Variants in LRRC7 observed in about 807,000 individuals in gnomAD.
LRRC7 encodes the protein leucine rich repeat containing 7, also known as leucine-rich repeat-containing protein 7.
In LRRC7, 23 loss-of-function variants were observed where a neutral mutation model predicts 175.7. The ratio of observed to expected loss-of-function variants is 0.13; its 90% CI spans 0.09 to 0.19. The LOEUF (loss-of-function observed/expected upper bound fraction) is 0.19, where lower values mean the gene tolerates loss of function less well. Among genes scored for constraint, LRRC7 ranks in the 10% least tolerant of loss-of-function variants. The probability of loss-of-function intolerance (pLI) is 1.00; values close to 1 mark genes in which losing one functional copy is unlikely to be tolerated. For synonymous variants in LRRC7, 685 were observed against 680.9 expected (o/e 1.01, Z -0.09); for missense variants, 1,354 against 1,904.7 (o/e 0.71, Z 5.38).
intron 11 of LRRC7, among the ~76,000 whole-genome samples, chr1:69,997,527 G>A (rs1185652076): frequency 1.3e-5 from 2 of 152,064 alleles, no homozygotes; most frequent in Non-Finnish European, 2.9e-5. Flanking sequence ...GTATGATATT[G>A]GCTGTGGATT....
intron 17 of LRRC7, among the ~76,000 whole-genome samples, chr1:70,027,853 A>G (rs1658287302): frequency 1.3e-5 from 2 of 152,206 alleles, no homozygotes; most frequent in Non-Finnish European, 2.9e-5. Flanking sequence ...AACAGCTGCT[A>G]TAACTTGATT....
intron 23 of LRRC7, among the ~76,000 whole-genome samples, chr1:70,065,449 G>A (rs1661897601): frequency 6.6e-6 from 1 of 151,894 alleles, no homozygotes; most frequent in Non-Finnish European, 1.5e-5. Flanking sequence ...TTATGTAAGT[G>A]TTTAATTAAT....
chr1:69,938,977 AG>A (rs1382917175), intron 8 of LRRC7, among the ~76,000 whole-genome samples: 2 of 142,690 alleles, frequency 1.4e-5, no homozygotes, highest in Non-Finnish European at 3.0e-5. Context: ...GCATTTGTAA[AG>A]CCACTAAGGC....
chr1:70,025,264 T>C (rs1286607300), intron 17 of LRRC7, among the ~76,000 whole-genome samples: 1 of 150,432 alleles, frequency 6.6e-6, no homozygotes, highest in Non-Finnish European at 1.5e-5. Context: ...ATTTTTAGTG[T>C]ATAAATATTA....
rs543877346 is a variant in LRRC7, at chr1:69,783,421, G to A, written c.304-8622G>A. Among the ~76,000 whole-genome samples, 17 of 152,156 alleles carry A rather than the reference G, an allele frequency of 1.1e-4. No individual in the cohort carries two copies. In the South Asian group the frequency reaches 3.3e-3, roughly 30 times the overall value. ...TAAGTGGAAATAGGATATACAAAAA[G>A]GTTGTCTTGCAAACCAGTGGAGAAA... On this transcript the variant is annotated intron_variant, in intron 3 of 26. Coordinates refer to ENST00000651989, the MANE Select transcript of LRRC7 (RefSeq NM_001370785.2).
At chr1:69,582,274 C>T (rs1646229837) in intron 1 of LRRC7, among the ~76,000 whole-genome samples, 1 of 152,130 alleles carries the variant, frequency 6.6e-6, no homozygotes, top group Non-Finnish European at 1.5e-5. Context: ...TTAGCTTTTG[C>T]AGTGGTAAAT....
chr1:70,028,419 A>G, intron 18 of LRRC7, 48 bp downstream of exon 18: 1 of 1,516,718 alleles, frequency 6.6e-7, no homozygotes, highest in South Asian at 1.2e-5. Flanking sequence ...GATTTTTTGG[A>G]ATTTTAAATA....
intron 24 of LRRC7, among the ~76,000 whole-genome samples, chr1:70,078,263 C>A (rs1662930814): frequency 6.6e-6 from 1 of 152,174 alleles, no homozygotes; most frequent in Non-Finnish European, 1.5e-5. Context: ...ATTTAAACAA[C>A]CAGTTCTGGT....
In LRRC7 at chr1:69,705,933, A is replaced by C. The variant is rs116208318; in HGVS notation, c.100+27455A>C. 3.3e-3 allele frequency among the ~76,000 whole-genome samples: 508 copies of C among 152,282 alleles called. 1 individual carries two copies. The highest frequency in any genetic ancestry group is 0.012 in the African/African-American group (486 of 41,570). On this transcript the variant is annotated intron_variant, in intron 2 of 26. Transcript: ENST00000651989. ...TCAAATATTTTTGATCAATCAATGC[A>C]TTCTACCACATCTTCCCTCCAAAAA...
At chr1:69,718,143 A>AGAGAAAGAAAGAAAGAAAGAAAGAAAG (rs1665905319) in intron 2 of LRRC7, among the ~76,000 whole-genome samples, 2 of 23,462 alleles carry the variant, frequency 8.5e-5, no homozygotes, top group African/African-American at 2.7e-4. Context: ...AGAAAGAGAG[A>AGAGAAAGAAAGAAAGAAAGAAAGAAAG]GAAAGAAAGA....
chr1:69,639,642 G>A (rs1028884864), intron 1 of LRRC7, among the ~76,000 whole-genome samples: 3 of 151,734 alleles, frequency 2.0e-5, no homozygotes, highest in Non-Finnish European at 4.4e-5. Context: ...AATGCTTTAG[G>A]AGTTAGATCA....
In LRRC7 at chr1:70,125,751, C is replaced by G. The variant is rs576046010; in HGVS notation, c.*3864C>G. 7.6e-6 allele frequency among the ~76,000 whole-genome samples: 1 copy of G among 131,640 alleles called. No individual in the cohort carries two copies. Among genetic ancestry groups the G allele is most frequent in the South Asian group, 2.6e-4 (1 of 3,794 alleles). The allele number at this position is 131,640 out of a possible 152,430, so 86.4% of individuals were successfully genotyped here. On this transcript the variant is annotated 3_prime_UTR_variant, in exon 27 of 27. Transcript: ENST00000651989. ...AGCTTGCAGTGAGCCGAGATCCCGCCACTGCACTCCAGCCTGGGCGACAGA... is the reference window on the plus strand; with the variant it reads ...AGCTTGCAGTGAGCCGAGATCCCGCGACTGCACTCCAGCCTGGGCGACAGA...
chr1:69,818,801 T>G (rs1281237710), intron 4 of LRRC7, among the ~76,000 whole-genome samples: 1 of 152,146 alleles, frequency 6.6e-6, no homozygotes, highest in Non-Finnish European at 1.5e-5. Flanking sequence ...TTCAAATTTT[T>G]TATTCATGAT....
At chr1:69,794,433 A>G (rs139094803) in intron 4 of LRRC7, among the ~76,000 whole-genome samples, 1 of 152,224 alleles carries the variant, frequency 6.6e-6, no homozygotes, top group African/African-American at 2.4e-5. Context: ...TGTAAAGAGA[A>G]GAACAACTAG....
intron 23 of LRRC7, among the ~76,000 whole-genome samples, chr1:70,073,069 C>T (rs1331292880): frequency 1.3e-5 from 2 of 152,142 alleles, no homozygotes; most frequent in Admixed American, 1.3e-4. Context: ...TGTACTTAAC[C>T]TCTTCCACCC....
At chr1:69,983,025 CATG>C (rs1653589313) in intron 9 of LRRC7, among the ~76,000 whole-genome samples, 2 of 152,160 alleles carry the variant, frequency 1.3e-5, no homozygotes, top group Admixed American at 1.3e-4. Flanking sequence ...TAAATTTTCT[CATG>C]ATATCTCATG....
At chr1:69,674,167 A>C (rs1659477873) in intron 1 of LRRC7, among the ~76,000 whole-genome samples, 1 of 152,118 alleles carries the variant, frequency 6.6e-6, no homozygotes. Flanking sequence ...TGTTAATATT[A>C]TGTTAATGAT....
intron 2 of LRRC7, among the ~76,000 whole-genome samples, chr1:69,696,031 G>A (rs1006219620): frequency 4.6e-5 from 7 of 152,184 alleles, no homozygotes; most frequent in Non-Finnish European, 7.3e-5. Flanking sequence ...GTGGAGCTGC[G>A]GGAATTGGGC....
chr1:69,577,594 A>T (rs964697542), intron 1 of LRRC7, among the ~76,000 whole-genome samples: 2 of 152,170 alleles, frequency 1.3e-5, no homozygotes, highest in African/African-American at 4.8e-5. Context: ...AGCTTTCTAC[A>T]TATGGCTAGC....
Sources: allele counts gnomAD v4.1 joint callset (sites outside exome capture counted in the v4.1 genomes callset), GRCh38; gene constraint gnomAD v4.1.1; transcripts MANE v1.5; gene names NCBI Gene and HGNC (gene_info 2026-07-23, HGNC 2026-07-21).